Variants in TAF4 observed in about 807,000 individuals in gnomAD.
TAF4 encodes the protein transcription initiation factor TFIID subunit 4.
A neutral mutation model predicts 90.3 loss-of-function variants in TAF4; 9 were observed. The ratio of observed to expected loss-of-function variants is 0.10; its 90% CI spans 0.06 to 0.17. TAF4 has a LOEUF of 0.17. Ranked by LOEUF, TAF4 falls within the 10% of genes least tolerant of loss-of-function variation. The pLI is 1.00. For missense variants in TAF4, 1,351 were observed against 1,370.7 expected (o/e 0.99, Z 0.23); for synonymous variants, 818 against 638.9 (o/e 1.28, Z -4.23).
At chr20:61,988,224 G>A (rs1014019013) in intron 14 of TAF4, among the ~76,000 whole-genome samples, 1 of 151,596 alleles carries the variant, frequency 6.6e-6, no homozygotes, top group Non-Finnish European at 1.5e-5. Context: ...TGAGAAGGAC[G>A]TGTTGACGTG....
At chr20:62,008,705 G>T (rs553454451) in intron 5 of TAF4, 5 of 191,668 alleles carry the variant, frequency 2.6e-5, no homozygotes, top group Non-Finnish European at 4.2e-5. Context: ...CACAGGAGTG[G>T]GGAGAGGGCC....
rs1204530022 is a variant in TAF4, at chr20:62,003,191, T to C, written c.2455A>G (p.Lys819Glu). The part of the protein sequence containing the change: ...SAQAAAAQKN[K>E]LKEPGGGSFR... ...GAACCTCCCCCAGGCTCCTTGAGTTTATTTTTCTGTGCAGCAGCTGCTTGT... is the reference window on the plus strand; with the variant it reads ...GAACCTCCCCCAGGCTCCTTGAGTTCATTTTTCTGTGCAGCAGCTGCTTGT... The change falls in exon 9 of 15, where the codon AAA becomes GAA. Residue 819 changes from lysine to glutamate, a missense_variant. Around this residue, in one of 9 missense-constraint regions of TAF4, gnomAD observed 202 missense variants for 229.7 expected, o/e 0.88. Coordinates refer to ENST00000252996, the MANE Select transcript of TAF4 (RefSeq NM_003185.4). 1 of 1,614,096 alleles carries C rather than the reference T, an allele frequency of 6.2e-7. No homozygotes were observed. The highest frequency in any genetic ancestry group is 8.5e-7 in the Non-Finnish European group (1 of 1,180,054).
Position 62,064,694 on chromosome 20 carries a change from T to TGCTGGCCGCCGTGCTGGCCGGGCC in TAF4, c.1093_1116dup (p.Gly365_Ser372dup). 4.0e-6 allele frequency: 5 copies of TGCTGGCCGCCGTGCTGGCCGGGCC among 1,253,116 alleles called. No homozygotes were observed. The highest frequency in any genetic ancestry group is 5.0e-6 in the Non-Finnish European group (5 of 1,004,178). 77.6% of individuals were successfully genotyped at this position (1,253,116 alleles called of 1,614,324 possible). A position where few individuals can be genotyped will look rare whatever the true frequency, so the allele number is the denominator to read the frequency against. On this transcript the variant is annotated inframe_insertion, in exon 1 of 15. Transcript: ENST00000252996. ...CCTTGCATAGTTGGCCCGATGACCA[T>TGCTGGCCGCCGTGCTGGCCGGGCC]GCTGGCCGCCGTGCTGGCCGGGCCG...
chr20:62,014,153 C>T (rs1367857460), intron 2 of TAF4, among the ~76,000 whole-genome samples: 10 of 152,202 alleles, frequency 6.6e-5, no homozygotes, highest in Non-Finnish European at 1.2e-4. Context: ...CTCCATGCGG[C>T]GCTGGTGGCG....
chr20:62,016,856 C>T (rs1438327287), intron 1 of TAF4, among the ~76,000 whole-genome samples: 4 of 152,116 alleles, frequency 2.6e-5, no homozygotes, highest in Non-Finnish European at 5.9e-5. Context: ...TCTGAGAAGC[C>T]AGGGTGAGTG....
In TAF4 at chr20:62,055,747, C is replaced by A. The variant is rs188440301; in HGVS notation, c.1360+8704G>T. Among the ~76,000 whole-genome samples, 393 of 152,340 alleles carry A rather than the reference C, an allele frequency of 2.6e-3. 2 individuals carry two copies. The highest frequency in any genetic ancestry group is 9.0e-3 in the African/African-American group (375 of 41,576). On this transcript the variant is annotated intron_variant, in intron 1 of 14. Coordinates refer to ENST00000252996, the MANE Select transcript of TAF4 (RefSeq NM_003185.4). ...CTCCTGGGAAAGCCTTCCCTGACTA[C>A]CCTGCCCAGCAGTCCCCTCTCACCC...
intron 1 of TAF4, among the ~76,000 whole-genome samples, chr20:62,063,227 G>A (rs1353519207): frequency 1.3e-5 from 2 of 152,142 alleles, no homozygotes; most frequent in Admixed American, 6.5e-5. Context: ...CTGACCACCA[G>A]CCCCGAACCT....
intron 1 of TAF4, among the ~76,000 whole-genome samples, chr20:62,063,188 GC>G (rs2056099536): frequency 6.6e-6 from 1 of 152,158 alleles, no homozygotes; most frequent in Non-Finnish European, 1.5e-5. Context: ...GCCCAGACAG[GC>G]TTTCCCCACC....
Position 62,006,887 on chromosome 20 carries a change from G to A in TAF4, c.1975-129C>T, listed in dbSNP as rs1035284350. ...AAGTAAGATGGATCTTGGCCCTCAC[G>A]GCAGCATGTCTGGATGTCAAGGGCC... On this transcript the variant is annotated intron_variant, in intron 6 of 14. Coordinates refer to ENST00000252996, the MANE Select transcript of TAF4 (RefSeq NM_003185.4). This position sits in a 1 kb window ranked among gnomAD's most constrained non-coding sequence, Gnocchi z 7.0. The A allele has an allele frequency of 3.6e-5, 46 of 1,267,064 alleles. No homozygotes were observed. Among genetic ancestry groups the A allele is most frequent in the Admixed American group, 7.3e-5 (2 of 27,450 alleles). The allele number at this position is 1,267,064 out of a possible 1,614,324, so 78.5% of individuals were successfully genotyped here.
intron 1 of TAF4, among the ~76,000 whole-genome samples, chr20:62,017,420 C>T (rs977284817): frequency 2.5e-4 from 38 of 151,364 alleles, no homozygotes; most frequent in Non-Finnish European, 8.8e-5. Context: ...GGGTAGATCA[C>T]GAGGTCAGGA....
At chr20:62,054,775 A>G (rs949728031) in intron 1 of TAF4, among the ~76,000 whole-genome samples, 1 of 151,894 alleles carries the variant, frequency 6.6e-6, no homozygotes, top group African/African-American at 2.4e-5. Context: ...CGGCTCTTCT[A>G]GTCTACTCTA....
At chr20:61,984,440 A>G (rs968972471) in intron 14 of TAF4, among the ~76,000 whole-genome samples, 1 of 152,224 alleles carries the variant, frequency 6.6e-6, no homozygotes, top group Non-Finnish European at 1.5e-5. Flanking sequence ...ACACACGTAC[A>G]AGGCGACTCT....
chr20:61,992,889 A>G (rs576564872), intron 14 of TAF4, among the ~76,000 whole-genome samples: 1 of 152,326 alleles, frequency 6.6e-6, no homozygotes, highest in Admixed American at 6.5e-5. Context: ...CTGAACTGCA[A>G]CCAAAATGAG....
At chr20:62,060,113 G>C (rs893830150) in intron 1 of TAF4, among the ~76,000 whole-genome samples, 1 of 152,238 alleles carries the variant, frequency 6.6e-6, no homozygotes, top group Non-Finnish European at 1.5e-5. Flanking sequence ...TGTCTAAGGG[G>C]CAACTTCCAC....
chr20:62,001,601 C>T (rs1244537711), intron 9 of TAF4, among the ~76,000 whole-genome samples: 1 of 152,166 alleles, frequency 6.6e-6, no homozygotes, highest in Non-Finnish European at 1.5e-5. Context: ...CGGGGAAGAG[C>T]TCTACAGCAG....
At chr20:62,059,363 T>C (rs1600866628) in intron 1 of TAF4, among the ~76,000 whole-genome samples, 2 of 152,338 alleles carry the variant, frequency 1.3e-5, no homozygotes, top group African/African-American at 4.8e-5. Context: ...TATGTAAAAA[T>C]CAAAAGTTTT....
rs762119273 is a variant in TAF4 at position 62,006,805 on chromosome 20, C to T, written c.1975-47G>A. 2.1e-6 allele frequency: 3 copies of T among 1,415,870 alleles called. No individual in the cohort carries two copies. Among genetic ancestry groups the T allele is most frequent in the East Asian group, 5.3e-5 (2 of 37,812 alleles). 87.7% of individuals were successfully genotyped at this position (1,415,870 alleles called of 1,614,324 possible). On this transcript the variant is annotated intron_variant, in intron 6 of 14. Coordinates refer to ENST00000252996, the MANE Select transcript of TAF4 (RefSeq NM_003185.4). The surrounding 1 kb of genome is among the most constrained non-coding windows in gnomAD (Gnocchi z 7.0). ...AGGGGTCAGGCGGCTGCTCATGCGTCGGTTTTCCTTGCTTAAAAATTCAGA... is the reference window on the plus strand; with the variant it reads ...AGGGGTCAGGCGGCTGCTCATGCGTTGGTTTTCCTTGCTTAAAAATTCAGA...
chr20:61,983,612 C>G (rs986577361), intron 14 of TAF4, among the ~76,000 whole-genome samples: 1 of 152,180 alleles, frequency 6.6e-6, no homozygotes, highest in African/African-American at 2.4e-5. Context: ...TTGCAGTGAG[C>G]TATGATCACG....
chr20:62,052,687 C>T (rs1447824102), intron 1 of TAF4, among the ~76,000 whole-genome samples: 11 of 151,328 alleles, frequency 7.3e-5, no homozygotes, highest in Middle Eastern at 3.4e-3. Context: ...GAACTGCAGG[C>T]TCACGCTCCA....
Sources: allele counts gnomAD v4.1 joint callset (sites outside exome capture counted in the v4.1 genomes callset), GRCh38; gene constraint gnomAD v4.1.1; regional missense constraint gnomAD v4.1.1; non-coding constraint Gnocchi (gnomAD v3.1); transcripts MANE v1.5; gene names NCBI Gene and HGNC (gene_info 2026-07-23, HGNC 2026-07-21).